TAFA5: variants seen among roughly 807,000 people sequenced by gnomAD.
TAFA5 encodes TAFA chemokine like family member 5, also known as chemokine-like protein TAFA-5.
Under a neutral mutation model 15.3 loss-of-function variants are expected in TAFA5, and 6 were observed. The ratio of observed to expected loss-of-function variants is 0.39; its 90% CI spans 0.21 to 0.77. TAFA5 has a LOEUF of 0.77. TAFA5 is among the 30% of genes least tolerant of loss of function. The pLI is 0.41. For missense variants in TAFA5, 161 were observed against 193.1 expected (o/e 0.83, Z 0.98); for synonymous variants, 103 against 80.7 (o/e 1.28, Z -1.48).
rs1338808045 is a variant in TAFA5, at chr22:48,560,157, G to C, written c.112+70453G>C. 6.6e-6 allele frequency among the ~76,000 whole-genome samples: 1 copy of C among 152,254 alleles called. No homozygotes were observed. The highest frequency in any genetic ancestry group is 1.5e-5 in the Non-Finnish European group (1 of 68,044). On this transcript the variant is annotated intron_variant, in intron 1 of 3. Transcript: ENST00000402357. The surrounding 1 kb of genome is among the most constrained non-coding windows in gnomAD (Gnocchi z 4.2). ...AGCCGAGTCCTTGTAGGGGAGGAGC[G>C]TCACTGCTCTCAGCAGGGGACCGTT...
chr22:48,718,999 G>A (rs935642181), intron 3 of TAFA5, among the ~76,000 whole-genome samples: 12 of 152,194 alleles, frequency 7.9e-5, no homozygotes, highest in African/African-American at 1.2e-4. Flanking sequence ...CTCTTTGCCC[G>A]GCCGGGTCAG....
chr22:48,652,083 G>C (rs192988098), intron 2 of TAFA5, among the ~76,000 whole-genome samples: 1 of 152,222 alleles, frequency 6.6e-6, no homozygotes, highest in Non-Finnish European at 1.5e-5. Flanking sequence ...AAAGCCTTTC[G>C]GTTCTGAGAG....
At chr22:48,584,304 A>G (rs1255971465) in intron 1 of TAFA5, among the ~76,000 whole-genome samples, 2 of 148,260 alleles carry the variant, frequency 1.3e-5, no homozygotes, top group African/African-American at 5.0e-5. Flanking sequence ...CAGACAGCAG[A>G]CCACACACAC....
At chr22:48,643,156 T>C (rs1926743416) in intron 1 of TAFA5, among the ~76,000 whole-genome samples, 1 of 152,218 alleles carries the variant, frequency 6.6e-6, no homozygotes, top group South Asian at 2.1e-4. Context: ...TGAGAGGCAC[T>C]GCAACCCGGC....
chr22:48,588,637 C>G (rs1924446202), intron 1 of TAFA5, among the ~76,000 whole-genome samples: 1 of 152,142 alleles, frequency 6.6e-6, no homozygotes, highest in African/African-American at 2.4e-5. Flanking sequence ...CTTGCTGTGA[C>G]AACGGGGACC....
chr22:48,652,022 T>C (rs1443635751), intron 2 of TAFA5, among the ~76,000 whole-genome samples: 1 of 152,226 alleles, frequency 6.6e-6, no homozygotes, highest in East Asian at 1.9e-4. Context: ...CATGCCTAGC[T>C]GCTCATGATG....
Position 48,742,973 on chromosome 22 carries a change from G to A in TAFA5, c.391-6866G>A, listed in dbSNP as rs1296327989. Reference sequence around the variant, plus strand: ...CCCGCCCTCAGCCCAGCCCTGGGACGCAGGCTCAGCAGCCCCCGGATTCCA... The same window carrying A: ...CCCGCCCTCAGCCCAGCCCTGGGACACAGGCTCAGCAGCCCCCGGATTCCA... On this transcript the variant is annotated intron_variant, in intron 3 of 3. Coordinates refer to ENST00000402357, the MANE Select transcript of TAFA5 (RefSeq NM_001082967.3). The surrounding 1 kb of genome is among the most constrained non-coding windows in gnomAD (Gnocchi z 6.2). Among the ~76,000 whole-genome samples, 1 of 152,158 alleles carries A rather than the reference G, an allele frequency of 6.6e-6. No individual in the cohort carries two copies. Among genetic ancestry groups the A allele is most frequent in the Non-Finnish European group, 1.5e-5 (1 of 68,008 alleles).
chr22:48,656,293 A>G (rs1257404438), intron 2 of TAFA5, among the ~76,000 whole-genome samples: 1 of 152,004 alleles, frequency 6.6e-6, no homozygotes, highest in Non-Finnish European at 1.5e-5. Context: ...TCCCATTATT[A>G]AAAACGAAAT....
At chr22:48,581,558 C>T (rs146251914) in intron 1 of TAFA5, among the ~76,000 whole-genome samples, 259 of 152,292 alleles carry the variant, frequency 1.7e-3, no homozygotes, top group Non-Finnish European at 3.0e-3. Flanking sequence ...GGGCCACTGG[C>T]GAGGCCGTGT....
At chr22:48,576,252 C>T (rs1313271828) in intron 1 of TAFA5, 8 of 517,610 alleles carry the variant, frequency 1.5e-5, no homozygotes, top group African/African-American at 2.0e-5. Flanking sequence ...CGCCCCCGCC[C>T]GCCCCCTCCG....
intron 1 of TAFA5, among the ~76,000 whole-genome samples, chr22:48,574,779 G>GCT (rs1923702036): frequency 6.6e-6 from 1 of 152,206 alleles, no homozygotes; most frequent in South Asian, 2.1e-4. Context: ...TTGGTACTGG[G>GCT]CTCTGGGGCG....
At chr22:48,501,589 A>C (rs867961688) in intron 1 of TAFA5, among the ~76,000 whole-genome samples, 1 of 152,162 alleles carries the variant, frequency 6.6e-6, no homozygotes, top group South Asian at 2.1e-4. Flanking sequence ...ATGAGGACAC[A>C]GGTGGGAAGG....
At chr22:48,613,453 C>G (rs1374768739) in intron 1 of TAFA5, among the ~76,000 whole-genome samples, 1 of 152,174 alleles carries the variant, frequency 6.6e-6, no homozygotes, top group Non-Finnish European at 1.5e-5. Flanking sequence ...TCTCTGGGGT[C>G]CATCTCCCCC....
chr22:48,740,718 C>T (rs1039487399), intron 3 of TAFA5, among the ~76,000 whole-genome samples: 1 of 152,216 alleles, frequency 6.6e-6, no homozygotes, highest in African/African-American at 2.4e-5. Flanking sequence ...CACGAGAGCC[C>T]AGCCCTGGTG....
At chr22:48,684,174 C>T (rs906912372) in intron 2 of TAFA5, among the ~76,000 whole-genome samples, 10 of 152,190 alleles carry the variant, frequency 6.6e-5, no homozygotes, top group East Asian at 1.9e-4. Context: ...GGGGAGTGAG[C>T]GTTCGGAAGC....
chr22:48,595,339 G>A (rs142686087), intron 1 of TAFA5, among the ~76,000 whole-genome samples: 10 of 152,342 alleles, frequency 6.6e-5, no homozygotes, highest in East Asian at 3.9e-4. Flanking sequence ...TCTTCCCGGC[G>A]CGTCAGTGGG....
chr22:48,627,156 G>A (rs1436743472), intron 1 of TAFA5, among the ~76,000 whole-genome samples: 1 of 152,252 alleles, frequency 6.6e-6, no homozygotes, highest in African/African-American at 2.4e-5. Context: ...ACGTATGTGT[G>A]TCTAAAGAAG....
intron 3 of TAFA5, among the ~76,000 whole-genome samples, chr22:48,718,814 C>T (rs996010546): frequency 3.3e-5 from 5 of 152,164 alleles, no homozygotes; most frequent in Non-Finnish European, 4.4e-5. Flanking sequence ...TTGCTGGGAG[C>T]ATTCATAGTC....
At chr22:48,739,220 A>G (rs928244378) in intron 3 of TAFA5, among the ~76,000 whole-genome samples, 5 of 152,198 alleles carry the variant, frequency 3.3e-5, no homozygotes, top group Admixed American at 1.3e-4. Context: ...GAAATATACC[A>G]TTGGAAAGAC....
Sources: gnomAD v4.1 joint callset for allele counts (sites outside exome capture counted in the v4.1 genomes callset) on GRCh38, gnomAD v4.1.1 for gene constraint, Gnocchi (gnomAD v3.1) non-coding constraint, MANE v1.5 for transcripts, NCBI Gene and HGNC (gene_info 2026-07-23, HGNC 2026-07-21) for gene names.